The following ATP2B2 variants were observed in gnomAD, a reference collection of about 807,000 sequenced individuals.
ATP2B2 encodes the protein ATPase plasma membrane Ca2+ transporting 2, also known as plasma membrane calcium-transporting ATPase 2.
A neutral mutation model predicts 120.0 loss-of-function variants in ATP2B2; 15 were observed. That is an observed-to-expected ratio of 0.12 (90% confidence interval 0.08 to 0.19). The LOEUF is 0.19. ATP2B2 is among the 10% of genes least tolerant of loss of function. The pLI, the probability that ATP2B2 is intolerant of heterozygous loss-of-function variation, is 1.00. For synonymous variants in ATP2B2, 694 were observed against 700.3 expected (o/e 0.99, Z 0.14); for missense variants, 1,045 against 1,719.8 (o/e 0.61, Z 6.94).
At chr3:10,367,660 G>T (rs2061104397) in intron 12 of ATP2B2, among the ~76,000 whole-genome samples, 1 of 152,116 alleles carries the variant, frequency 6.6e-6, no homozygotes, top group African/African-American at 2.4e-5. Flanking sequence ...TGAGTGGCAG[G>T]GACCTGGGCC....
chr3:10,559,863 G>A lies in ATP2B2; in HGVS notation c.-414-25730C>T, dbSNP rs193217487. ...GGTATTCCATTTCCAGAGAGAAAAC[G>A]ATTTAAAGATGCAGAAGGCAGTTCA... is the stretch of plus-strand genomic sequence containing the variant. On this transcript the variant is annotated intron_variant, in intron 2 of 21. Coordinates refer to the ATP2B2 transcript ENST00000646379. Among the ~76,000 whole-genome samples the A allele has an allele frequency of 7.2e-5, 11 of 152,314 alleles. No individual in the cohort carries two copies. In the South Asian group the frequency reaches 2.1e-3, roughly 29 times the overall value.
At chr3:10,577,612 T>C (rs756758674) in intron 2 of ATP2B2, among the ~76,000 whole-genome samples, 2 of 152,158 alleles carry the variant, frequency 1.3e-5, no homozygotes, top group Non-Finnish European at 2.9e-5. Flanking sequence ...ATCAGTGCCT[T>C]TGGGGACAGA....
intron 22 of ATP2B2, among the ~76,000 whole-genome samples, chr3:10,332,865 T>G (rs1424290660): frequency 6.6e-6 from 1 of 151,820 alleles, no homozygotes; most frequent in Non-Finnish European, 1.5e-5. Flanking sequence ...GTAAAGGGAG[T>G]GGGGAACTGC....
Position 10,649,602 on chromosome 3 carries a change from A to G in ATP2B2, c.-459-29641T>C, listed in dbSNP as rs549731885. Among the ~76,000 whole-genome samples, 4 of 152,140 alleles carry G rather than the reference A, an allele frequency of 2.6e-5. No individual in the cohort carries two copies. In the East Asian group the frequency reaches 7.7e-4, roughly 29 times the overall value. ...TGACCTCAGCTCAGGAAGGGAGGGG[A>G]TGAGATGGATGGGTGAATGGACAGA... On this transcript the variant is annotated intron_variant, in intron 1 of 21. Coordinates refer to the ATP2B2 transcript ENST00000646379.
rs552245685 is a variant in ATP2B2 at position 10,479,079 on chromosome 3, A to G, written c.-320+26386T>C. ...CCCCAGCCAAGAGGAACTGTGAGTC[A>G]ATTAAACCTCTTTTTAAAAATAAAA... On this transcript the variant is annotated intron_variant, in intron 1 of 22. Transcript: ENST00000360273. 5.0e-5 allele frequency among the ~76,000 whole-genome samples: 7 copies of G among 138,690 alleles called. No individual in the cohort carries two copies. In the South Asian group the frequency reaches 2.1e-3, roughly 42 times the overall value. 91.0% of individuals were successfully genotyped at this position (138,690 alleles called of 152,430 possible).
At chr3:10,684,727 C>T (rs2071474923) in intron 1 of ATP2B2, among the ~76,000 whole-genome samples, 1 of 152,176 alleles carries the variant, frequency 6.6e-6, no homozygotes. Context: ...CTCTTAGGAG[C>T]AGGTTTGTAG....
chr3:10,497,585 G>A (rs981038167), intron 1 of ATP2B2, among the ~76,000 whole-genome samples: 1 of 152,128 alleles, frequency 6.6e-6, no homozygotes, highest in African/African-American at 2.4e-5. Flanking sequence ...CCTATGAATT[G>A]GACACTTTTG....
rs2059833650 is a variant in ATP2B2 at position 10,324,780 on chromosome 3, C to T, written c.*4034G>A. The stretch of plus-strand genomic sequence containing the variant: ...ATTAAAGAGCAAGAAACTATCCCCC[C>T]AAAACAAAATGAAACAAAAACAACA... On this transcript the variant is annotated 3_prime_UTR_variant, in exon 23 of 23. Coordinates refer to ENST00000360273, the MANE Select transcript of ATP2B2 (RefSeq NM_001001331.4). 1 of 152,194 alleles carries T rather than the reference C, an allele frequency of 6.6e-6. No individual in the cohort carries two copies. The highest frequency in any genetic ancestry group is 2.4e-5 in the African/African-American group (1 of 41,402). The allele number at this position is 152,194 out of a possible 1,614,324, so 9.4% of individuals were successfully genotyped here. A position where few individuals can be genotyped will look rare whatever the true frequency, so the allele number is the denominator to read the frequency against.
rs906120259 is a variant in ATP2B2, at chr3:10,402,031, C to T, written c.655+60G>A. ...AGCCAATCTCTTTGCATCAGCCTGG[C>T]CTGTCCCACCTCTGCCGGAATCCAG... is the stretch of plus-strand genomic sequence containing the variant. On this transcript the variant is annotated intron_variant, in intron 4 of 22. Transcript: ENST00000360273. The surrounding 1 kb of genome is among the most constrained non-coding windows in gnomAD (Gnocchi z 4.9). The T allele has an allele frequency of 3.7e-6, 6 of 1,605,584 alleles. No homozygotes were observed. Among genetic ancestry groups the T allele is most frequent in the Non-Finnish European group, 1.7e-6 (2 of 1,179,786 alleles).
In ATP2B2 at chr3:10,599,976, T is replaced by C. The variant is rs542233147; in HGVS notation, c.-415+19941A>G. Among the ~76,000 whole-genome samples, 10 of 152,362 alleles carry C rather than the reference T, an allele frequency of 6.6e-5. No homozygotes were observed. In the South Asian group the frequency reaches 1.7e-3, roughly 25 times the overall value. On this transcript the variant is annotated intron_variant, in intron 2 of 21. Transcript: ENST00000646379. ...CCAAGGGGAAGGTGGGAGAGGTAGC[T>C]TGTGCTAGGCTTTCCCACAGGCCTT...
At chr3:10,368,664 C>T (rs561180986) in intron 12 of ATP2B2, among the ~76,000 whole-genome samples, 2 of 152,012 alleles carry the variant, frequency 1.3e-5, no homozygotes, top group South Asian at 2.1e-4. Context: ...ATTCATCCAT[C>T]CACCCATCCA....
In ATP2B2 at chr3:10,537,190, T is replaced by C. The variant is rs543008317; in HGVS notation, c.-414-3057A>G. On this transcript the variant is annotated intron_variant, in intron 2 of 21. Transcript: ENST00000646379. Reference sequence around the variant, plus strand: ...ACTGATTCTTCATTCTTTTTCAAAATTGTTTTAGATATTCTAAATTCTTTG... The same window carrying C: ...ACTGATTCTTCATTCTTTTTCAAAACTGTTTTAGATATTCTAAATTCTTTG... Among the ~76,000 whole-genome samples the C allele has an allele frequency of 5.9e-5, 9 of 152,326 alleles. No homozygotes were observed. The South Asian group carries it at 6.2e-4, about 11-fold the overall frequency.
chr3:10,492,552 C>T (rs1559408038), intron 1 of ATP2B2, among the ~76,000 whole-genome samples: 1 of 152,180 alleles, frequency 6.6e-6, no homozygotes, highest in African/African-American at 2.4e-5. Flanking sequence ...TGATGTCAGA[C>T]TTGTTCCAGA....
At chr3:10,606,679 T>C (rs2069076275) in intron 2 of ATP2B2, among the ~76,000 whole-genome samples, 1 of 152,042 alleles carries the variant, frequency 6.6e-6, no homozygotes, top group South Asian at 2.1e-4. Context: ...CTGTGCCAGG[T>C]AAATGTGTCT....
chr3:10,399,183 C>A (rs548737702), intron 5 of ATP2B2, among the ~76,000 whole-genome samples: 44 of 152,326 alleles, frequency 2.9e-4, no homozygotes, highest in Middle Eastern at 3.4e-3. Context: ...CCACTGCCCC[C>A]AAGGATGCTC....
At chr3:10,478,089 T>C (rs191206638) in intron 1 of ATP2B2, among the ~76,000 whole-genome samples, 27 of 152,358 alleles carry the variant, frequency 1.8e-4, no homozygotes, top group Admixed American at 1.5e-3. Context: ...TGGTGTGAAC[T>C]GGCATTTCCC....
chr3:10,539,940 A>G (rs1409962728), intron 2 of ATP2B2, among the ~76,000 whole-genome samples: 1 of 152,240 alleles, frequency 6.6e-6, no homozygotes, highest in Non-Finnish European at 1.5e-5. Flanking sequence ...CAACCTACAG[A>G]ATGGGAGAAA....
chr3:10,498,666 C>T (rs980704617), intron 1 of ATP2B2, among the ~76,000 whole-genome samples: 2 of 152,240 alleles, frequency 1.3e-5, no homozygotes, highest in Non-Finnish European at 2.9e-5. Context: ...AAAGGCACCA[C>T]TTTATAGGAA....
intron 1 of ATP2B2, among the ~76,000 whole-genome samples, chr3:10,647,077 A>G (rs1407268897): frequency 6.6e-6 from 1 of 151,934 alleles, no homozygotes; most frequent in African/African-American, 2.4e-5. Flanking sequence ...GGTGGGAGCA[A>G]TGGGGGTAGG....
Sources: allele counts gnomAD v4.1 joint callset (sites outside exome capture counted in the v4.1 genomes callset), GRCh38; gene constraint gnomAD v4.1.1; non-coding constraint Gnocchi (gnomAD v3.1); transcripts MANE v1.5; gene names NCBI Gene and HGNC (gene_info 2026-07-23, HGNC 2026-07-21).